ADARB2: variants seen among roughly 807,000 people sequenced by gnomAD.
ADARB2 encodes the protein inactive double-stranded RNA-specific editase B2.
Under a neutral mutation model 62.2 loss-of-function variants are expected in ADARB2, and 25 were observed. The observed-to-expected ratio is 0.40, with a 90% CI of 0.29 to 0.56. The LOEUF (loss-of-function observed/expected upper bound fraction) is 0.56, where lower values mean the gene tolerates loss of function less well. ADARB2 is among the 20% of genes least tolerant of loss of function. The pLI, the probability that ADARB2 is intolerant of heterozygous loss-of-function variation, is 0.43. For synonymous variants in ADARB2, 572 were observed against 500.8 expected (o/e 1.14, Z -1.90); for missense variants, 1,071 against 1,077.4 (o/e 0.99, Z 0.08).
chr10:1,588,895 G>A (rs1263177518), intron 1 of ADARB2, among the ~76,000 whole-genome samples: 1 of 152,176 alleles, frequency 6.6e-6, no homozygotes, highest in East Asian at 1.9e-4. Context: ...GGAGGAGTCG[G>A]CTTGAGGCCT....
At chr10:1,365,181 T>C (rs34088813) in intron 2 of ADARB2, among the ~76,000 whole-genome samples, 43,390 of 151,970 alleles carry the variant, frequency 0.29, 7,284 homozygotes, top group Non-Finnish European at 0.38. Context: ...CACATTTTGG[T>C]AATTCTCAAA....
In ADARB2 at chr10:1,566,716, CTATT is replaced by C. The variant is rs535687581; in HGVS notation, c.100+170331_100+170334del. Among the ~76,000 whole-genome samples, 375 of 152,130 alleles carry C rather than the reference CTATT, an allele frequency of 2.5e-3. 3 individuals are homozygous for C. Among genetic ancestry groups the C allele is most frequent in the South Asian group, 0.018 (87 of 4,826 alleles). On this transcript the variant is annotated intron_variant, in intron 1 of 9. Coordinates refer to ENST00000381312, the MANE Select transcript of ADARB2 (RefSeq NM_018702.4). ...TCTAAACTGGAGGCTGAATTATACA[CTATT>C]TAGTTTTACATATCCTGTTTAACTC... is the stretch of plus-strand genomic sequence containing the variant.
At chr10:1,205,174 G>A (rs1028906507) in intron 7 of ADARB2, among the ~76,000 whole-genome samples, 3 of 152,188 alleles carry the variant, frequency 2.0e-5, no homozygotes, top group Non-Finnish European at 4.4e-5. Context: ...CCTGCTGCCC[G>A]GGGGCTGCCT....
chr10:1,462,424 C>G (rs1337113260), intron 1 of ADARB2, among the ~76,000 whole-genome samples: 2 of 152,380 alleles, frequency 1.3e-5, no homozygotes, highest in Non-Finnish European at 2.9e-5. Context: ...TGCGTCCTAA[C>G]CAAAGACAGC....
At chr10:1,580,543 T>G (rs1833083784) in intron 1 of ADARB2, among the ~76,000 whole-genome samples, 1 of 151,238 alleles carries the variant, frequency 6.6e-6, no homozygotes, top group Non-Finnish European at 1.5e-5. Flanking sequence ...TAGAGCAGTT[T>G]GTGGTTCTCA....
intron 1 of ADARB2, among the ~76,000 whole-genome samples, chr10:1,494,978 T>G (rs1391065753): frequency 2.0e-5 from 3 of 152,192 alleles, no homozygotes; most frequent in African/African-American, 7.2e-5. Context: ...AGGTTTTCTC[T>G]TTTTTTCTAC....
At chr10:1,296,537 G>GGGGTCTTCCTGTGGTGC (rs1554752589) in intron 3 of ADARB2, among the ~76,000 whole-genome samples, 2 of 152,216 alleles carry the variant, frequency 1.3e-5, no homozygotes, top group Non-Finnish European at 2.9e-5. Context: ...CTGGTGCATG[G>GGGGTCTTCCTGTGGTGC]GAGTCTTCCT....
At chr10:1,227,122 C>T (rs1054342734) in intron 6 of ADARB2, among the ~76,000 whole-genome samples, 4 of 152,270 alleles carry the variant, frequency 2.6e-5, no homozygotes, top group African/African-American at 9.6e-5. Flanking sequence ...CGCCCCTCCC[C>T]CAGCCTCACT....
At chr10:1,647,373 CTATA>C (rs1464956173) in intron 1 of ADARB2, among the ~76,000 whole-genome samples, 2 of 151,834 alleles carry the variant, frequency 1.3e-5, no homozygotes, top group East Asian at 1.9e-4. Flanking sequence ...ACACGTGTGT[CTATA>C]TATGTATGCG....
chr10:1,211,293 CTA>C (rs1491094402), intron 7 of ADARB2, among the ~76,000 whole-genome samples: 3 of 151,064 alleles, frequency 2.0e-5, no homozygotes, highest in African/African-American at 7.3e-5. Flanking sequence ...GATCTATAAT[CTA>C]TGTATCATCT....
intron 1 of ADARB2, among the ~76,000 whole-genome samples, chr10:1,389,329 A>G (rs1001744464): frequency 3.9e-5 from 6 of 152,376 alleles, no homozygotes; most frequent in African/African-American, 1.2e-4. Context: ...TTGTTGAAAT[A>G]CACTGTTGAT....
At chr10:1,589,302 AC>A (rs1361678010) in intron 1 of ADARB2, among the ~76,000 whole-genome samples, 2 of 152,102 alleles carry the variant, frequency 1.3e-5, no homozygotes, top group Non-Finnish European at 2.9e-5. Context: ...AAAGGTGCGG[AC>A]CCTGCCACGG....
chr10:1,506,242 A>G (rs970740472), intron 1 of ADARB2, among the ~76,000 whole-genome samples: 11 of 152,128 alleles, frequency 7.2e-5, no homozygotes, highest in African/African-American at 2.4e-4. Flanking sequence ...TAAAAGTTTG[A>G]ATTTTGTCGT....
At chr10:1,662,004 T>A (rs2119089066) in intron 1 of ADARB2, among the ~76,000 whole-genome samples, 1 of 152,194 alleles carries the variant, frequency 6.6e-6, no homozygotes, top group South Asian at 2.1e-4. Flanking sequence ...CTGCAGCTGC[T>A]CCTCTCAGGG....
chr10:1,567,417 C>T (rs1253091277), intron 1 of ADARB2, among the ~76,000 whole-genome samples: 1 of 152,194 alleles, frequency 6.6e-6, no homozygotes, highest in Admixed American at 6.5e-5. Flanking sequence ...GCATGGGTCT[C>T]TGCACCTTGC....
At chr10:1,536,291 C>T (rs991180889) in intron 1 of ADARB2, among the ~76,000 whole-genome samples, 2 of 152,320 alleles carry the variant, frequency 1.3e-5, no homozygotes, top group Non-Finnish European at 2.9e-5. Context: ...GCGCCATCTA[C>T]AAGCCAGGAA....
At chr10:1,258,926 G>A (rs1831106069) in intron 4 of ADARB2, among the ~76,000 whole-genome samples, 3 of 152,170 alleles carry the variant, frequency 2.0e-5, no homozygotes, top group African/African-American at 4.8e-5. Flanking sequence ...AAATGTAAAA[G>A]AACAGAAATT....
At chr10:1,284,943 A>C (rs949679479) in intron 3 of ADARB2, among the ~76,000 whole-genome samples, 1 of 152,126 alleles carries the variant, frequency 6.6e-6, no homozygotes, top group African/African-American at 2.4e-5. Flanking sequence ...AGGAAGGCAT[A>C]GGTTGCCATC....
chr10:1,462,404 C>A (rs1831186373), intron 1 of ADARB2, among the ~76,000 whole-genome samples: 1 of 152,264 alleles, frequency 6.6e-6, no homozygotes, highest in South Asian at 2.1e-4. Flanking sequence ...CCTCTACCTG[C>A]CGCCAGGGCT....
Sources: allele counts gnomAD v4.1 joint callset (sites outside exome capture counted in the v4.1 genomes callset), GRCh38; gene constraint gnomAD v4.1.1; transcripts MANE v1.5; gene names NCBI Gene and HGNC (gene_info 2026-07-23, HGNC 2026-07-21).